Variants in ZFY observed in about 807,000 individuals in gnomAD.
ZFY encodes the protein zinc finger Y-chromosomal protein.
For missense variants in ZFY, 113 were observed against 170.9 expected (o/e 0.66, Z 1.89); for synonymous variants, 47 against 55.8 (o/e 0.84, Z 0.71).
intron 1 of ZFY, among the ~76,000 whole-genome samples, chrY:2,952,226 C>G: frequency 3.0e-5 from 1 of 33,289 alleles, no homozygotes; most frequent in Non-Finnish European, 7.4e-5. Flanking sequence ...CCATGCCTGG[C>G]CCACAAGTTG....
chrY:2,954,699 A>AAAATAAAT (rs751926000), intron 2 of ZFY, among the ~76,000 whole-genome samples: 44 of 26,540 alleles, frequency 1.7e-3, no homozygotes, highest in South Asian at 9.1e-3. Flanking sequence ...AGTGTCTCAA[A>AAAATAAAT]AAATAAATAA....
chrY:2,976,699 A>G lies in ZFY; in HGVS notation c.958A>G (p.Met320Val). The G allele has an allele frequency of 7.6e-6, 3 of 392,286 alleles. No homozygotes were observed. Among genetic ancestry groups the G allele is most frequent in the Non-Finnish European group, 1.1e-5 (3 of 279,517 alleles). ...TGCTGAAATTGCTGATGAAGTTTAT[A>G]TGGAAGTGATCGTAGGAGAGGAGGA... ...NVAEIADEVY[M>V]EVIVGEEDAA... The change falls in exon 6 of 8, where the codon ATG (methionine) becomes GTG (valine). Residue 320 changes from methionine (M) to valine (V), a missense_variant. Transcript: ENST00000155093.
chrY:2,956,581 C>T, intron 2 of ZFY, among the ~76,000 whole-genome samples: 1 of 31,929 alleles, frequency 3.1e-5, no homozygotes, highest in Non-Finnish European at 7.6e-5. Flanking sequence ...TGACAGGAGG[C>T]GAGAGCTCAG....
intron 1 of ZFY, among the ~76,000 whole-genome samples, chrY:2,939,423 A>G: frequency 3.0e-5 from 1 of 32,956 alleles, no homozygotes; most frequent in Non-Finnish European, 7.4e-5. Flanking sequence ...TAAATCTGGT[A>G]TTACTCAACG....
At chrY:2,971,960 T>A in intron 3 of ZFY, among the ~76,000 whole-genome samples, 2 of 29,550 alleles carry the variant, frequency 6.8e-5, no homozygotes, top group Non-Finnish European at 1.6e-4. Context: ...TCGCAGCTAT[T>A]TGGGAGGCAG....
At chrY:2,939,022 T>TATAA (rs2051232036) in intron 1 of ZFY, among the ~76,000 whole-genome samples, 2 of 16,733 alleles carry the variant, frequency 1.2e-4, no homozygotes, top group Non-Finnish European at 2.7e-4. Flanking sequence ...TATATATATA[T>TATAA]AAATAAATAA....
At chrY:2,978,765 A>G in intron 7 of ZFY, 45 bp from the exon 8 acceptor site, 2 of 391,873 alleles carry the variant, frequency 5.1e-6, no homozygotes, top group Non-Finnish European at 7.2e-6. Context: ...TGAGGAGACC[A>G]GAAGTTTGAT....
At chrY:2,969,937 A>G in intron 3 of ZFY, among the ~76,000 whole-genome samples, 1 of 33,356 alleles carries the variant, frequency 3.0e-5, no homozygotes, top group East Asian at 7.6e-4. Flanking sequence ...CTGTTCTTTT[A>G]CTTATATATA....
At chrY:2,945,266 A>G (rs2051258540) in intron 1 of ZFY, among the ~76,000 whole-genome samples, 2 of 31,018 alleles carry the variant, frequency 6.4e-5, no homozygotes, top group African/African-American at 2.5e-4. Context: ...ACATTTTGCC[A>G]TTTTTCCTTG....
At chrY:2,948,200 T>G in intron 1 of ZFY, among the ~76,000 whole-genome samples, 3 of 34,126 alleles carry the variant, frequency 8.8e-5, no homozygotes, top group African/African-American at 3.4e-4. Context: ...ACTTGGTGGT[T>G]TGACACCATA....
chrY:2,940,661 G>T (rs2051238797), intron 1 of ZFY, among the ~76,000 whole-genome samples: 1 of 33,107 alleles, frequency 3.0e-5, no homozygotes, highest in African/African-American at 1.2e-4. Context: ...CTTTAGAAAG[G>T]TATCTTATAG....
chrY:2,938,949 G>A (rs2051226780), intron 1 of ZFY, among the ~76,000 whole-genome samples: 1 of 18,259 alleles, frequency 5.5e-5, no homozygotes, highest in Non-Finnish European at 1.1e-4. Flanking sequence ...TCAAATAGAT[G>A]CCCCTTAACT....
At chrY:2,945,258 A>C in intron 1 of ZFY, among the ~76,000 whole-genome samples, 3 of 31,810 alleles carry the variant, frequency 9.4e-5, no homozygotes, top group African/African-American at 3.7e-4. Flanking sequence ...AGCTTTTTAC[A>C]TTTTGCCATT....
chrY:2,953,204 T>G, intron 1 of ZFY, among the ~76,000 whole-genome samples: 1 of 31,912 alleles, frequency 3.1e-5, no homozygotes, highest in African/African-American at 1.2e-4. Context: ...TAGCCAGGTT[T>G]GGTGACACAT....
chrY:2,961,105 G>C lies in ZFY; in HGVS notation c.93G>C (p.Gln31His). ...GADATHMDGDQIVVEIQEAVF... is the reference protein window; with the variant it reads ...GADATHMDGDHIVVEIQEAVF... ...ATGCTACACACATGGATGGTGATCAGATTGTTGTGGAAATACAAGAAGCAG... is the reference window on the plus strand; with the variant it reads ...ATGCTACACACATGGATGGTGATCACATTGTTGTGGAAATACAAGAAGCAG... Residue 31 changes from glutamine (Q) to histidine (H), a missense_variant, in exon 3 of 8, where the codon CAG becomes CAC. Coordinates refer to ENST00000155093, the MANE Select transcript of ZFY (RefSeq NM_003411.4). 2.5e-6 allele frequency: 1 copy of C among 398,661 alleles called. No homozygotes were observed.
At chrY:2,940,441 T>A (rs766524997) in intron 1 of ZFY, among the ~76,000 whole-genome samples, 1 of 33,737 alleles carries the variant, frequency 3.0e-5, no homozygotes, top group Non-Finnish European at 7.4e-5. Context: ...TTATAAAATC[T>A]TCTGTCCTTA....
chrY:2,956,850 A>G (rs2051294628), intron 2 of ZFY, among the ~76,000 whole-genome samples: 1 of 33,143 alleles, frequency 3.0e-5, no homozygotes, highest in Non-Finnish European at 7.4e-5. Flanking sequence ...AAATCTTCTG[A>G]GCTAAAGAGT....
At chrY:2,963,851 T>G (rs748851624) in intron 3 of ZFY, among the ~76,000 whole-genome samples, 1 of 32,733 alleles carries the variant, frequency 3.1e-5, no homozygotes, top group East Asian at 7.7e-4. Context: ...TTGCTTATCC[T>G]TCTGTTCTAT....
chrY:2,978,792 T>C lies in ZFY; in HGVS notation c.1223-18T>C. On this transcript the variant is annotated intron_variant, in intron 7 of 7. Coordinates refer to ENST00000155093, the MANE Select transcript of ZFY (RefSeq NM_003411.4). ...AAGTTTGATTAAGCACTCATACTGC[T>C]TTCTTTTCCTTTCTTAGCAATAATT... is the stretch of plus-strand genomic sequence containing the variant. The C allele has an allele frequency of 2.5e-6, 1 of 397,912 alleles. No homozygotes were observed. Among genetic ancestry groups the C allele is most frequent in the Non-Finnish European group, 3.5e-6 (1 of 282,982 alleles).
Sources: allele counts gnomAD v4.1 joint callset (sites outside exome capture counted in the v4.1 genomes callset), GRCh38; gene constraint gnomAD v4.1.1; transcripts MANE v1.5; gene names NCBI Gene and HGNC (gene_info 2026-07-23, HGNC 2026-07-21).